Variants in FOXP1 observed in about 807,000 individuals in gnomAD.
The protein encoded by FOXP1 is forkhead box P1, also known as forkhead box protein P1.
FOXP1 carries 15 observed loss-of-function variants against 98.2 expected under a neutral mutation model. The observed-to-expected ratio is 0.15, with a 90% CI of 0.10 to 0.24. The LOEUF is 0.24. FOXP1 is among the 10% of genes least tolerant of loss of function. The probability of loss-of-function intolerance (pLI) is 1.00; values close to 1 mark genes in which losing one functional copy is unlikely to be tolerated. For missense variants in FOXP1, 633 were observed against 848.5 expected (o/e 0.75, Z 3.15); for synonymous variants, 371 against 314.5 (o/e 1.18, Z -1.90).
At chr3:70,968,015 A>G (rs191193491) in intron 19 of FOXP1, among the ~76,000 whole-genome samples, 1 of 152,272 alleles carries the variant, frequency 6.6e-6, no homozygotes, top group Non-Finnish European at 1.5e-5. Flanking sequence ...AGAGAAGGCA[A>G]CTTTCTTGGG....
rs553512642 is a variant in FOXP1, at chr3:71,444,405, G to A, written c.-168+49021C>T. 2.0e-3 allele frequency among the ~76,000 whole-genome samples: 294 copies of A among 150,304 alleles called. 1 individual carries two copies. Among genetic ancestry groups the A allele is most frequent in the Non-Finnish European group, 3.5e-3 (234 of 67,720 alleles). ...TTTTTTTGGAGAAATGATCAAACCC[G>A]GGGGTGGGGACAGAACTTCCTGCAA... On this transcript the variant is annotated intron_variant, in intron 3 of 20. Transcript: ENST00000649528.
chr3:71,443,624 G>T (rs900013635), intron 3 of FOXP1, among the ~76,000 whole-genome samples: 10 of 152,064 alleles, frequency 6.6e-5, no homozygotes, highest in Admixed American at 6.5e-4. Flanking sequence ...CAGATTTTCT[G>T]ATTCTGCCAC....
At chr3:71,191,756 G>C (rs1215661331) in intron 6 of FOXP1, among the ~76,000 whole-genome samples, 1 of 152,138 alleles carries the variant, frequency 6.6e-6, no homozygotes, top group African/African-American at 2.4e-5. Flanking sequence ...AGAACATGTT[G>C]GGGGGTCAGT....
At chr3:71,214,755 CG>C (rs2064790406) in intron 5 of FOXP1, among the ~76,000 whole-genome samples, 1 of 152,056 alleles carries the variant, frequency 6.6e-6, no homozygotes, top group South Asian at 2.1e-4. Context: ...GAGAGAGGAG[CG>C]GGGGAGAGAG....
At chr3:71,287,952 C>T (rs903655364) in intron 5 of FOXP1, among the ~76,000 whole-genome samples, 3 of 151,876 alleles carry the variant, frequency 2.0e-5, no homozygotes, top group Non-Finnish European at 4.4e-5. Context: ...ACGATCTTGG[C>T]TCACCGCAAC....
At chr3:71,314,665 C>T (rs1221577587) in intron 4 of FOXP1, among the ~76,000 whole-genome samples, 1 of 151,832 alleles carries the variant, frequency 6.6e-6, no homozygotes, top group Non-Finnish European at 1.5e-5. Flanking sequence ...TTTTTCCCCT[C>T]AATAGTAGTT....
At chr3:71,360,302 C>T (rs752850741) in intron 3 of FOXP1, among the ~76,000 whole-genome samples, 14 of 152,200 alleles carry the variant, frequency 9.2e-5, no homozygotes, top group Non-Finnish European at 2.1e-4. Flanking sequence ...TACAAGCTCT[C>T]TCCTGACAGC....
chr3:70,977,533 G>C, intron 16 of FOXP1, 110 bp downstream of exon 16: 3 of 880,666 alleles, frequency 3.4e-6, no homozygotes, highest in East Asian at 2.5e-5. Flanking sequence ...TTATAGAAAA[G>C]GTTTCAGCAT....
chr3:71,421,038 G>A (rs2083602858), intron 3 of FOXP1, among the ~76,000 whole-genome samples: 1 of 152,092 alleles, frequency 6.6e-6, no homozygotes, highest in Non-Finnish European at 1.5e-5. Context: ...ACGCCACAAA[G>A]CCTCACCCTA....
rs1362807519 is a variant in FOXP1 at position 71,582,795 on chromosome 3, T to C, written c.-447+776A>G. 53 of 984,676 alleles carry C rather than the reference T, an allele frequency of 5.4e-5. No individual in the cohort carries two copies. In the Admixed American group the frequency reaches 3.3e-3, roughly 61 times the overall value. 61.0% of individuals were successfully genotyped at this position (984,676 alleles called of 1,614,324 possible). A position where few individuals can be genotyped will look rare whatever the true frequency, so the allele number is the denominator to read the frequency against. On this transcript the variant is annotated intron_variant, in intron 1 of 20. Transcript: ENST00000649528. ...GTCTGGCTGGGGGTGCGCAGGTGCG[T>C]GTTTGAATTTTCCGGGCTCCGAGGG...
chr3:71,446,914 T>G (rs181515117), intron 3 of FOXP1, among the ~76,000 whole-genome samples: 1 of 152,366 alleles, frequency 6.6e-6, no homozygotes, highest in East Asian at 1.9e-4. Flanking sequence ...GGTTGCAAAC[T>G]CAAATGCCCA....
At chr3:71,166,276 C>A (rs1228150514) in intron 6 of FOXP1, among the ~76,000 whole-genome samples, 1 of 152,132 alleles carries the variant, frequency 6.6e-6, no homozygotes, top group African/African-American at 2.4e-5. Flanking sequence ...GAGAGGAACA[C>A]AAGCAAGTGG....
intron 2 of FOXP1, among the ~76,000 whole-genome samples, chr3:71,566,331 G>T (rs1298411262): frequency 6.6e-6 from 1 of 152,204 alleles, no homozygotes; most frequent in Admixed American, 6.5e-5. Flanking sequence ...TTAATAACTG[G>T]TTTGCAAATG....
In FOXP1 at chr3:71,235,579, T is replaced by TC. The variant is rs544834915; in HGVS notation, c.-11-37188dup. Among the ~76,000 whole-genome samples, 161 of 152,200 alleles carry TC rather than the reference T, an allele frequency of 1.1e-3. 1 individual carries two copies. Among genetic ancestry groups the TC allele is most frequent in the African/African-American group, 3.7e-3 (154 of 41,522 alleles). ...TCATAGAATGTTTCTCTTTTTTTTT[T>TC]CTCTTGAAATGGAGTCTCACTCTGT... On this transcript the variant is annotated intron_variant, in intron 5 of 20. Coordinates refer to ENST00000649528, the MANE Select transcript of FOXP1 (RefSeq NM_001349338.3).
chr3:71,414,001 A>G (rs2082997687), intron 3 of FOXP1, among the ~76,000 whole-genome samples: 1 of 152,000 alleles, frequency 6.6e-6, no homozygotes, highest in Admixed American at 6.6e-5. Context: ...CAGAAAGGAA[A>G]GATTCAAAGC....
intron 2 of FOXP1, among the ~76,000 whole-genome samples, chr3:71,558,202 C>T (rs376719022): frequency 6.6e-6 from 1 of 152,192 alleles, no homozygotes; most frequent in Non-Finnish European, 1.5e-5. Flanking sequence ...TATGTGGGCA[C>T]TGCCAGCTGA....
At chr3:71,497,037 T>C (rs1306056145) in intron 2 of FOXP1, among the ~76,000 whole-genome samples, 3 of 151,720 alleles carry the variant, frequency 2.0e-5, no homozygotes, top group East Asian at 1.9e-4. Context: ...TGGAACCCCA[T>C]AGCTAACTAA....
intron 5 of FOXP1, among the ~76,000 whole-genome samples, chr3:71,252,672 C>T (rs1171598624): frequency 6.6e-6 from 1 of 152,132 alleles, no homozygotes; most frequent in Non-Finnish European, 1.5e-5. Context: ...TTGACAGGTA[C>T]TATGATTTTC....
At chr3:71,402,052 A>G (rs1208468299) in intron 3 of FOXP1, among the ~76,000 whole-genome samples, 1 of 152,314 alleles carries the variant, frequency 6.6e-6, no homozygotes, top group Non-Finnish European at 1.5e-5. Context: ...CAGGCTCTGA[A>G]CTGGGGATCA....
Sources: allele counts gnomAD v4.1 joint callset (sites outside exome capture counted in the v4.1 genomes callset), GRCh38; gene constraint gnomAD v4.1.1; transcripts MANE v1.5; gene names NCBI Gene and HGNC (gene_info 2026-07-23, HGNC 2026-07-21).